FGGY: variants seen among roughly 807,000 people sequenced by gnomAD.
FGGY encodes the protein FGGY carbohydrate kinase domain containing.
In FGGY, 72 loss-of-function variants were observed where a neutral mutation model predicts 71.3. That is an observed-to-expected ratio of 1.01 (90% CI 0.84 to 1.23). FGGY has a LOEUF of 1.23. Ranked by LOEUF, FGGY falls within the 50% of genes most tolerant of loss-of-function variation. The probability of loss-of-function intolerance (pLI) is 0.00; values close to 1 mark genes in which losing one functional copy is unlikely to be tolerated. For missense variants in FGGY, 668 were observed against 682.3 expected, an observed-to-expected ratio of 0.98 and a Z score of 0.23; for synonymous variants, 251 against 250.3, an observed-to-expected ratio of 1.00 and a Z score of -0.02.
At chr1:59,625,470 T>C (rs761164443) in intron 9 of FGGY, among the ~76,000 whole-genome samples, 5 of 152,118 alleles carry the variant, frequency 3.3e-5, no homozygotes, top group Non-Finnish European at 5.9e-5. Flanking sequence ...TTTTTTTAAC[T>C]GAGAGTTTCA....
chr1:59,345,159 G>A (rs1232010309), intron 3 of FGGY, among the ~76,000 whole-genome samples: 1 of 152,160 alleles, frequency 6.6e-6, no homozygotes, highest in Non-Finnish European at 1.5e-5. Context: ...TTAGCACAGG[G>A]CTTGGGAGAC....
rs529734464 is a variant in FGGY at position 59,604,379 on chromosome 1, A to T, written c.904-3424A>T. ...GAACACAGGGTTTGAGAGTGACTAG[A>T]AGTACTCTTTGTTTCCTTGCTTTAC... On this transcript the variant is annotated intron_variant, in intron 8 of 15. Coordinates refer to ENST00000303721, the MANE Select transcript of FGGY (RefSeq NM_018291.5). Among the ~76,000 whole-genome samples the T allele has an allele frequency of 7.8e-4, 119 of 152,374 alleles. No individual in the cohort carries two copies. The Middle Eastern group carries it at 0.017, about 22-fold the overall frequency.
chr1:59,383,409 A>G (rs1367957800), intron 5 of FGGY, among the ~76,000 whole-genome samples: 1 of 152,184 alleles, frequency 6.6e-6, no homozygotes, highest in Non-Finnish European at 1.5e-5. Context: ...TTTGAATTTA[A>G]AAGTTGTAAA....
intron 1 of FGGY, among the ~76,000 whole-genome samples, chr1:59,304,907 A>AT (rs1055624271): frequency 7.5e-4 from 114 of 152,058 alleles, no homozygotes; most frequent in African/African-American, 2.4e-3. Flanking sequence ...TGTTATGTTG[A>AT]TTTTTTATTC....
rs982255655 is a variant in FGGY, at chr1:59,638,469, A to T, written c.1221+94A>T. 8.1e-6 allele frequency: 12 copies of T among 1,482,622 alleles called. No homozygotes were observed. The Middle Eastern group carries it at 5.6e-4, about 69-fold the overall frequency. 91.8% of individuals were successfully genotyped at this position (1,482,622 alleles called of 1,614,324 possible). A position where few individuals can be genotyped will look rare whatever the true frequency, so the allele number is the denominator to read the frequency against. ...AAGTGAGGAAAAAGGAAAAGAAAAAAATAAAACAGGCCAACAGCCCTCTGG... is the reference window on the plus strand; with the variant it reads ...AAGTGAGGAAAAAGGAAAAGAAAAATATAAAACAGGCCAACAGCCCTCTGG... On this transcript the variant is annotated intron_variant, in intron 11 of 15. Coordinates refer to ENST00000303721, the MANE Select transcript of FGGY (RefSeq NM_018291.5).
intron 14 of FGGY, among the ~76,000 whole-genome samples, chr1:59,703,925 T>C (rs962880653): frequency 5.3e-5 from 8 of 152,188 alleles, no homozygotes; most frequent in Admixed American, 5.2e-4. Flanking sequence ...TTAAATCAAG[T>C]CTTCTGCTTA....
intron 1 of FGGY, among the ~76,000 whole-genome samples, chr1:59,317,037 A>G (rs2045580984): frequency 6.6e-6 from 1 of 152,148 alleles, no homozygotes; most frequent in African/African-American, 2.4e-5. Context: ...GTGCTTCTGT[A>G]CCATGCAACT....
At chr1:59,674,191 T>G (rs950206444) in intron 14 of FGGY, 58 bp downstream of exon 14, 2 of 1,305,034 alleles carry the variant, frequency 1.5e-6, no homozygotes, top group Admixed American at 3.8e-5. Flanking sequence ...CCATCCTTCC[T>G]CTTGACAGCA....
At chr1:59,512,851 T>C (rs1469369067) in intron 7 of FGGY, among the ~76,000 whole-genome samples, 3 of 152,224 alleles carry the variant, frequency 2.0e-5, no homozygotes, top group Non-Finnish European at 4.4e-5. Flanking sequence ...TCCAGTTCCT[T>C]GGCTGCAGTC....
At chr1:59,504,567 T>A (rs2094328903) in intron 6 of FGGY, among the ~76,000 whole-genome samples, 3 of 152,186 alleles carry the variant, frequency 2.0e-5, no homozygotes, top group African/African-American at 7.2e-5. Flanking sequence ...TCCTACACAT[T>A]TAGTAACAGA....
intron 5 of FGGY, among the ~76,000 whole-genome samples, chr1:59,407,109 A>G (rs1173619172): frequency 6.6e-6 from 1 of 152,202 alleles, no homozygotes; most frequent in Non-Finnish European, 1.5e-5. Context: ...CATCTCTGGC[A>G]GTGGCCCCTC....
At chr1:59,746,353 C>T (rs1292398146) in intron 14 of FGGY, among the ~76,000 whole-genome samples, 5 of 152,180 alleles carry the variant, frequency 3.3e-5, no homozygotes, top group Non-Finnish European at 5.9e-5. Flanking sequence ...GAAACATACA[C>T]ACATGGCAAC....
chr1:59,375,262 A>G (rs1266249894), intron 4 of FGGY, among the ~76,000 whole-genome samples: 1 of 143,066 alleles, frequency 7.0e-6, no homozygotes, highest in Non-Finnish European at 1.5e-5. Context: ...CCATCTCAAA[A>G]AAGAAAAAAA....
At chr1:59,726,721 G>A (rs1011978936) in intron 14 of FGGY, among the ~76,000 whole-genome samples, 12 of 151,994 alleles carry the variant, frequency 7.9e-5, no homozygotes, top group Non-Finnish European at 2.9e-5. Context: ...TTAGTAATTT[G>A]TAACTTCTCT....
chr1:59,636,784 C>T (rs2096964691), intron 10 of FGGY, among the ~76,000 whole-genome samples: 1 of 152,144 alleles, frequency 6.6e-6, no homozygotes, highest in African/African-American at 2.4e-5. Context: ...GATCACTCAC[C>T]CAATCACAAA....
chr1:59,380,752 C>G (rs890473005), intron 5 of FGGY, among the ~76,000 whole-genome samples: 1 of 151,580 alleles, frequency 6.6e-6, no homozygotes, highest in Admixed American at 6.5e-5. Context: ...TGCCTGTTCA[C>G]TCTGATGGTA....
chr1:59,342,820 C>T (rs1422687339), intron 3 of FGGY, among the ~76,000 whole-genome samples: 1 of 152,148 alleles, frequency 6.6e-6, no homozygotes, highest in Non-Finnish European at 1.5e-5. Context: ...GTATTGCCGT[C>T]TTTAGATGTT....
chr1:59,490,043 G>A (rs1291081712), intron 6 of FGGY, among the ~76,000 whole-genome samples: 2 of 151,964 alleles, frequency 1.3e-5, no homozygotes, highest in Non-Finnish European at 2.9e-5. Context: ...CAGATCATTT[G>A]CCTTTTTTAA....
At chr1:59,377,642 G>C (rs1241130398) in intron 4 of FGGY, among the ~76,000 whole-genome samples, 1 of 151,920 alleles carries the variant, frequency 6.6e-6, no homozygotes, top group South Asian at 2.1e-4. Context: ...TGTGGGGGTG[G>C]TATGGGTTGT....
Sources: gnomAD v4.1 joint callset for allele counts (sites outside exome capture counted in the v4.1 genomes callset) on GRCh38, gnomAD v4.1.1 for gene constraint, MANE v1.5 for transcripts, NCBI Gene and HGNC (gene_info 2026-07-23, HGNC 2026-07-21) for gene names.